TMTC2: variants seen among roughly 807,000 people sequenced by gnomAD.
TMTC2 encodes transmembrane O-mannosyltransferase targeting cadherins 2.
TMTC2 carries 43 observed loss-of-function variants against 82.4 expected under a neutral mutation model. The ratio of observed to expected loss-of-function variants is 0.52; its 90% CI spans 0.41 to 0.67. The LOEUF is 0.67. Among genes scored for constraint, TMTC2 ranks in the 30% least tolerant of loss-of-function variants. TMTC2 has a pLI of 0.00. For synonymous variants in TMTC2, 408 were observed against 381.9 expected (o/e 1.07, Z -0.80); for missense variants, 919 against 1,012.4 (o/e 0.91, Z 1.25).
rs1871314906 is a variant in TMTC2, at chr12:82,857,382, G to C, written c.456G>C (p.Leu152Phe). ...VGASLFFLLSLLCYIKHCSTR... is the reference protein window; with the variant it reads ...VGASLFFLLSFLCYIKHCSTR... ...CCAGTCTCTTCTTTCTCCTCTCCTTGCTCTGCTACATTAAACACTGTTCTA... is the reference window on the plus strand; with the variant it reads ...CCAGTCTCTTCTTTCTCCTCTCCTTCCTCTGCTACATTAAACACTGTTCTA... The change falls in exon 2 of 12, where the codon TTG (leucine) becomes TTC (phenylalanine). Residue 152 changes from leucine to phenylalanine, a missense_variant. Coordinates refer to ENST00000321196, the MANE Select transcript of TMTC2 (RefSeq NM_152588.3). 11 of 1,613,980 alleles carry C rather than the reference G, an allele frequency of 6.8e-6. No homozygotes were observed. Among genetic ancestry groups the C allele is most frequent in the South Asian group, 1.1e-5 (1 of 91,084 alleles).
intron 11 of TMTC2, among the ~76,000 whole-genome samples, chr12:83,074,683 C>T (rs1471432746): frequency 2.0e-5 from 3 of 152,088 alleles, no homozygotes; most frequent in Non-Finnish European, 4.4e-5. Context: ...GTCTCACTCC[C>T]ATTGTGCCCC....
intron 1 of TMTC2, among the ~76,000 whole-genome samples, chr12:82,719,671 CTTTTTT>C (rs202235180): frequency 7.8e-6 from 1 of 128,148 alleles, no homozygotes; most frequent in Non-Finnish European, 1.6e-5. Context: ...GTCTCTCTGT[CTTTTTT>C]TTTTTTTTTT....
chr12:82,919,047 C>G (rs752583619), intron 3 of TMTC2, among the ~76,000 whole-genome samples: 1 of 152,246 alleles, frequency 6.6e-6, no homozygotes, highest in African/African-American at 2.4e-5. Context: ...TAAGCCACCA[C>G]ACCCAGCCTC....
chr12:83,082,238 A>G (rs1236050477), intron 11 of TMTC2, among the ~76,000 whole-genome samples: 2 of 152,204 alleles, frequency 1.3e-5, no homozygotes, highest in Non-Finnish European at 2.9e-5. Flanking sequence ...GCTTTAATGC[A>G]AATGTGTTAC....
chr12:83,091,261 C>T (rs1375169814), intron 11 of TMTC2, among the ~76,000 whole-genome samples: 2 of 152,086 alleles, frequency 1.3e-5, no homozygotes, highest in South Asian at 2.1e-4. Context: ...AAAACTTACC[C>T]AAGATATTAT....
At chr12:82,928,053 C>G (rs1170037549) in intron 3 of TMTC2, among the ~76,000 whole-genome samples, 2 of 152,000 alleles carry the variant, frequency 1.3e-5, no homozygotes, top group Non-Finnish European at 2.9e-5. Context: ...AAGAGAAGCA[C>G]TTATTAGTTT....
intron 11 of TMTC2, among the ~76,000 whole-genome samples, chr12:83,090,544 A>G (rs935977503): frequency 2.0e-5 from 3 of 152,172 alleles, no homozygotes; most frequent in Admixed American, 6.5e-5. Flanking sequence ...GAATGGCACC[A>G]TATCTGTCCA....
In TMTC2 at chr12:83,122,205, G is replaced by A. The variant is rs367892453; in HGVS notation, c.2332-10005G>A. On this transcript the variant is annotated intron_variant, in intron 11 of 11. Coordinates refer to ENST00000321196, the MANE Select transcript of TMTC2 (RefSeq NM_152588.3). Reference sequence around the variant, plus strand: ...GTTTCGCCGAGTCTGTTTCCAGGCAGTGGGCAGGCAGGGCTGAGAACTTAC... The same window carrying A: ...GTTTCGCCGAGTCTGTTTCCAGGCAATGGGCAGGCAGGGCTGAGAACTTAC... Among the ~76,000 whole-genome samples, 21 of 151,790 alleles carry A rather than the reference G, an allele frequency of 1.4e-4. No homozygotes were observed. The South Asian group carries it at 4.0e-3, about 29-fold the overall frequency.
intron 3 of TMTC2, among the ~76,000 whole-genome samples, chr12:82,918,904 C>A (rs1305838738): frequency 6.6e-6 from 1 of 151,922 alleles, no homozygotes; most frequent in East Asian, 1.9e-4. Context: ...ACTACAGGTG[C>A]CTGCCACCAC....
At chr12:82,850,175 T>G (rs1870895849) in intron 1 of TMTC2, among the ~76,000 whole-genome samples, 1 of 152,134 alleles carries the variant, frequency 6.6e-6, no homozygotes, top group Non-Finnish European at 1.5e-5. Context: ...AAACATGTAG[T>G]GTCCAGTGCG....
At position 82,896,164 on chromosome 12, in the gene TMTC2, A is replaced by T; in HGVS notation, c.1001A>T (p.Asp334Val). ...AYYGLKSPSV[D>V]RECNGKTVTN... ...TATGGTTTGAAGAGCCCGAGCGTAG[A>T]CAGAGAATGCAATGGGAAAACTGTA... The change falls in exon 3 of 12, where the codon GAC becomes GTC. Residue 334 changes from aspartate to valine, a missense_variant. Transcript: ENST00000321196. 1.2e-6 allele frequency: 2 copies of T among 1,614,044 alleles called. No individual in the cohort carries two copies. Among genetic ancestry groups the T allele is most frequent in the Non-Finnish European group, 1.7e-6 (2 of 1,180,016 alleles).
chr12:82,715,607 G>A (rs1873860090), intron 1 of TMTC2, among the ~76,000 whole-genome samples: 2 of 152,144 alleles, frequency 1.3e-5, no homozygotes, highest in Non-Finnish European at 1.5e-5. Flanking sequence ...ACTCAGAGAA[G>A]CAACCAGAGG....
At chr12:82,719,086 T>TATATATATATATATATATA (rs1491203790) in intron 1 of TMTC2, among the ~76,000 whole-genome samples, 1 of 19,338 alleles carries the variant, frequency 5.2e-5, no homozygotes, top group African/African-American at 2.1e-4. Context: ...TATATATATA[T>TATATATATATATATATATA]TTTTTTTTTT....
intron 7 of TMTC2, among the ~76,000 whole-genome samples, chr12:82,976,217 C>T (rs530462073): frequency 7.9e-5 from 12 of 151,962 alleles, no homozygotes; most frequent in Non-Finnish European, 1.3e-4. Context: ...AATTGATTAG[C>T]CCGGAGAACT....
intron 7 of TMTC2, among the ~76,000 whole-genome samples, chr12:82,978,713 A>G (rs1488551029): frequency 6.6e-6 from 1 of 151,806 alleles, no homozygotes; most frequent in African/African-American, 2.4e-5. Context: ...CATTTGCTCT[A>G]TAGTGCCAAT....
At chr12:83,053,560 C>G (rs961726624) in intron 10 of TMTC2, among the ~76,000 whole-genome samples, 7 of 151,988 alleles carry the variant, frequency 4.6e-5, no homozygotes, top group African/African-American at 1.7e-4. Flanking sequence ...AAAAAATTGT[C>G]ATTCCATCTG....
At chr12:82,841,106 T>A (rs1477604007) in intron 1 of TMTC2, among the ~76,000 whole-genome samples, 1 of 152,142 alleles carries the variant, frequency 6.6e-6, no homozygotes, top group Non-Finnish European at 1.5e-5. Context: ...TAAAGGGACA[T>A]GTTAGTGCTT....
intron 1 of TMTC2, among the ~76,000 whole-genome samples, chr12:82,826,658 T>G (rs1295435566): frequency 6.6e-6 from 1 of 152,236 alleles, no homozygotes; most frequent in African/African-American, 2.4e-5. Context: ...GTAGAAAGTC[T>G]TTCTTAATTA....
Position 82,811,807 on chromosome 12 carries a change from C to CTT in TMTC2, c.84-45178_84-45177dup, listed in dbSNP as rs1171596880. On this transcript the variant is annotated intron_variant, in intron 1 of 11. Coordinates refer to ENST00000321196, the MANE Select transcript of TMTC2 (RefSeq NM_152588.3). ...AAGTTTTCTTTTCCATGCTCTCCTTCTTTTTTTTTTTTTTTTTTTTTTTTT... is the reference window on the plus strand; with the variant it reads ...AAGTTTTCTTTTCCATGCTCTCCTTCTTTTTTTTTTTTTTTTTTTTTTTTTTT... Among the ~76,000 whole-genome samples, 80 of 91,088 alleles carry CTT rather than the reference C, an allele frequency of 8.8e-4. 4 individuals carry two copies. Among genetic ancestry groups the CTT allele is most frequent in the East Asian group, 2.2e-3 (6 of 2,766 alleles). 59.8% of individuals were successfully genotyped at this position (91,088 alleles called of 152,430 possible). A position where few individuals can be genotyped will look rare whatever the true frequency, so the allele number is the denominator to read the frequency against.
Sources: allele counts gnomAD v4.1 joint callset (sites outside exome capture counted in the v4.1 genomes callset), GRCh38; gene constraint gnomAD v4.1.1; transcripts MANE v1.5; gene names NCBI Gene and HGNC (gene_info 2026-07-23, HGNC 2026-07-21).